The following ATRX variants were observed in gnomAD, a reference collection of about 807,000 sequenced individuals.
ATRX encodes the protein chromatin remodeler ATRX.
Under a neutral mutation model 172.6 loss-of-function variants are expected in ATRX, and 12 were observed. The observed-to-expected ratio is 0.07, with a 90% CI of 0.04 to 0.11. ATRX has a LOEUF of 0.11. Among genes scored for constraint, ATRX ranks in the 10% least tolerant of loss-of-function variants. The pLI is 1.00. For synonymous variants in ATRX, 674 were observed against 594.7 expected (o/e 1.13, Z -1.94); for missense variants, 1,368 against 1,767.4 (o/e 0.77, Z 4.05).
chrX:77,562,580 T>C (rs2065056320), intron 28 of ATRX, among the ~76,000 whole-genome samples: 1 of 112,109 alleles, frequency 8.9e-6, no homozygotes, highest in South Asian at 3.7e-4. Context: ...GATCTCACTC[T>C]GTCTCCCAGG....
chrX:77,621,848 A>AAC (rs2067597004), intron 19 of ATRX, among the ~76,000 whole-genome samples: 137 of 108,840 alleles, frequency 1.3e-3, no homozygotes, highest in Admixed American at 7.6e-3. Flanking sequence ...TAGTAAAAAA[A>AAC]AACAACAACA....
chrX:77,735,641 T>TAAATAA (rs2074520153), intron 1 of ATRX, among the ~76,000 whole-genome samples: 4 of 52,888 alleles, frequency 7.6e-5, no homozygotes, highest in Admixed American at 2.5e-4. Context: ...TAAATAAAAA[T>TAAATAA]AAATACAAAA....
chrX:77,589,999 T>G, intron 26 of ATRX, 59 bp from the exon 27 acceptor site: 6 of 953,127 alleles, frequency 6.3e-6, no homozygotes, highest in Non-Finnish European at 8.9e-6. Context: ...TATCACTTCT[T>G]CCTAAATCGA....
In ATRX at chrX:77,698,621, T is replaced by C. The variant is rs1557151486; in HGVS notation, c.142A>G (p.Ser48Gly). The C allele has an allele frequency of 8.3e-7, 1 of 1,199,557 alleles. No individual in the cohort carries two copies. Among genetic ancestry groups the C allele is most frequent in the Non-Finnish European group, 1.1e-6 (1 of 884,554 alleles). Residue 48 changes from serine (S) to glycine (G), a missense_variant, in exon 3 of 35, where the codon AGT (serine) becomes GGT (glycine). By Grantham distance (56) the Ser-to-Gly change is moderately conservative (BLOSUM62 0). Around this residue, in one of 17 missense-constraint regions of ATRX, gnomAD observed 84 missense variants for 82.8 expected, o/e 1.01. Coordinates refer to ENST00000373344, the MANE Select transcript of ATRX (RefSeq NM_000489.6). ...ATATCAGAGTTACTTCCAGAACCAC[T>C]GATTTTATCTAAAAAAGAAGAAATA... ...LAMNQNTDKI[S>G]GSGSNSDMME... is the part of the protein sequence containing the mutation.
At chrX:77,705,924 A>C (rs1177820870) in intron 2 of ATRX, among the ~76,000 whole-genome samples, 1 of 111,728 alleles carries the variant, frequency 9.0e-6, no homozygotes, top group African/African-American at 3.3e-5. Context: ...GAGTACTGGT[A>C]AAAGGACAAA....
At position 77,590,427 on chromosome X, in the gene ATRX, G is replaced by A. The variant is rs546727453; in HGVS notation, c.6111-487C>T. 1.2e-4 allele frequency among the ~76,000 whole-genome samples: 13 copies of A among 109,365 alleles called. No homozygotes were observed. The South Asian group carries it at 4.5e-3, about 38-fold the overall frequency. The allele number at this position is 109,365 out of a possible 115,157, so 95.0% of individuals were successfully genotyped here. On this transcript the variant is annotated intron_variant, in intron 26 of 34. Transcript: ENST00000373344. ...AGATCGAGACCATCCTGGCTAACAC[G>A]GTGAAATTCCGTCTCTACTAAAAAT...
intron 1 of ATRX, among the ~76,000 whole-genome samples, chrX:77,752,278 G>T (rs1314349756): frequency 3.6e-5 from 4 of 111,473 alleles, no homozygotes; most frequent in Non-Finnish European, 7.5e-5. Flanking sequence ...TTGGCTGTTT[G>T]TCTATTATTG....
chrX:77,572,567 T>C (rs896565070), intron 28 of ATRX, among the ~76,000 whole-genome samples: 17 of 111,152 alleles, frequency 1.5e-4, no homozygotes, highest in African/African-American at 5.5e-4. Context: ...CTACTAGTCA[T>C]CAAGTATAAA....
At chrX:77,750,358 AATC>A (rs1435546371) in intron 1 of ATRX, among the ~76,000 whole-genome samples, 2 of 111,441 alleles carry the variant, frequency 1.8e-5, no homozygotes, top group Non-Finnish European at 3.8e-5. Context: ...CAAACGATGA[AATC>A]ATCATGCCCG....
intron 1 of ATRX, among the ~76,000 whole-genome samples, chrX:77,761,447 T>A (rs1449564231): frequency 9.0e-6 from 1 of 110,857 alleles, no homozygotes; most frequent in Non-Finnish European, 1.9e-5. Flanking sequence ...TGAGGTGGGA[T>A]GATCGCTTGA....
At chrX:77,716,323 A>AAT (rs1292367303) in intron 2 of ATRX, among the ~76,000 whole-genome samples, 2,096 of 20,965 alleles carry the variant, frequency 0.1, 136 homozygotes, top group Non-Finnish European at 0.11. Flanking sequence ...AAAAAAAAAA[A>AAT]ATATATATAT....
chrX:77,634,834 T>A, intron 16 of ATRX, 131 bp from the exon 17 acceptor site: 1 of 560,341 alleles, frequency 1.8e-6, no homozygotes, highest in Non-Finnish European at 3.0e-6. Context: ...AAATAATTTC[T>A]TACATCTAAA....
At chrX:77,527,615 G>A (rs970364215) in intron 30 of ATRX, among the ~76,000 whole-genome samples, 1 of 111,477 alleles carries the variant, frequency 9.0e-6, no homozygotes, top group Non-Finnish European at 1.9e-5. Context: ...CTCCTGCCCC[G>A]GGATCCCCGC....
chrX:77,684,829 A>G, intron 8 of ATRX, 110 bp downstream of exon 8: 1 of 813,339 alleles, frequency 1.2e-6, no homozygotes. Context: ...ACAACCTTTC[A>G]TTAAAGACAT....
intron 15 of ATRX, among the ~76,000 whole-genome samples, chrX:77,650,653 T>C (rs1256413977): frequency 5.4e-5 from 6 of 110,855 alleles, no homozygotes; most frequent in African/African-American, 2.0e-4. Context: ...GGTGCAACCC[T>C]GGCTCACTGC....
chrX:77,780,830 A>C (rs1292670032), intron 1 of ATRX, among the ~76,000 whole-genome samples: 8 of 110,250 alleles, frequency 7.3e-5, no homozygotes, highest in Admixed American at 1.9e-4. Context: ...GGTCCCAGCT[A>C]CATGGGAGGC....
Position 77,522,342 on chromosome X carries a change from G to A in ATRX, c.6896C>T (p.Pro2299Leu), listed in dbSNP as rs1557041846. 2.5e-6 allele frequency: 3 copies of A among 1,210,510 alleles called. No homozygotes were observed. Among genetic ancestry groups the A allele is most frequent in the East Asian group, 5.9e-5 (2 of 33,844 alleles). ...AGGAGTTTGAGAGTTGAAACTGACA[G>A]GGGGTAAATTGGTCCCAGTTGGTAT... is the stretch of plus-strand genomic sequence containing the variant. ...FNIPTGTNLP[P>L]VSFNSQTPYI... is the part of the protein sequence containing the mutation. Residue 2299 changes from proline (P) to leucine (L), a missense_variant, in exon 32 of 35, where the codon CCT (proline) becomes CTT (leucine). Around this residue, in one of 17 missense-constraint regions of ATRX, gnomAD observed 100 missense variants for 153.9 expected, o/e 0.65. Transcript: ENST00000373344.
intron 22 of ATRX, among the ~76,000 whole-genome samples, chrX:77,610,329 G>C (rs1372470209): frequency 8.9e-6 from 1 of 111,897 alleles, no homozygotes; most frequent in Non-Finnish European, 1.9e-5. Context: ...AAGCCATTGA[G>C]TTTTACATTT....
intron 28 of ATRX, among the ~76,000 whole-genome samples, chrX:77,569,242 T>C (rs1287357234): frequency 3.6e-5 from 4 of 111,727 alleles, no homozygotes; most frequent in Admixed American, 1.9e-4. Flanking sequence ...ACTCTCACCA[T>C]TGCTACTAAC....
Sources: gnomAD v4.1 joint callset for allele counts (sites outside exome capture counted in the v4.1 genomes callset) on GRCh38, gnomAD v4.1.1 for gene constraint, gnomAD v4.1.1 regional missense constraint, MANE v1.5 for transcripts, NCBI Gene and HGNC (gene_info 2026-07-23, HGNC 2026-07-21) for gene names.